CBLB: variants seen among roughly 807,000 people sequenced by gnomAD.
CBLB encodes E3 ubiquitin-protein ligase CBL-B.
A neutral mutation model predicts 104.9 loss-of-function variants in CBLB; 31 were observed. That is an observed-to-expected ratio of 0.30 (90% CI 0.22 to 0.40). CBLB has a LOEUF of 0.40. Among genes scored for constraint, CBLB ranks in the 10% least tolerant of loss-of-function variants. CBLB has a pLI of 1.00. For synonymous variants in CBLB, 440 were observed against 422.6 expected, an observed-to-expected ratio of 1.04 and a Z score of -0.51; for missense variants, 1,062 against 1,214.6, an observed-to-expected ratio of 0.87 and a Z score of 1.87.
rs138602116 is a variant in CBLB, at chr3:105,726,331, G to A, written c.1204-6081C>T. Among the ~76,000 whole-genome samples the A allele has an allele frequency of 4.0e-3, 602 of 152,004 alleles. 2 individuals are homozygous for A. Among genetic ancestry groups the A allele is most frequent in the African/African-American group, 0.014 (572 of 41,434 alleles). Reference sequence around the variant, plus strand: ...TTTTGTAAATTACTATTTTGAATACGCTGATATCTTTCTTTTAAATTATAT... The same window carrying A: ...TTTTGTAAATTACTATTTTGAATACACTGATATCTTTCTTTTAAATTATAT... On this transcript the variant is annotated intron_variant, in intron 9 of 18. Transcript: ENST00000394030.
At chr3:105,690,592 G>A (rs1170017711) in intron 13 of CBLB, among the ~76,000 whole-genome samples, 1 of 152,094 alleles carries the variant, frequency 6.6e-6, no homozygotes, top group Non-Finnish European at 1.5e-5. Flanking sequence ...GGGAGTGTGA[G>A]GCGGGTGGAT....
intron 3 of CBLB, among the ~76,000 whole-genome samples, chr3:105,818,717 ATAAAT>A (rs1445134762): frequency 2.0e-5 from 3 of 152,180 alleles, no homozygotes; most frequent in Non-Finnish European, 2.9e-5. Flanking sequence ...TCTTTAAACA[ATAAAT>A]TAAATACGAA....
At chr3:105,768,659 T>C (rs1181720163) in intron 4 of CBLB, among the ~76,000 whole-genome samples, 1 of 152,224 alleles carries the variant, frequency 6.6e-6, no homozygotes, top group Non-Finnish European at 1.5e-5. Flanking sequence ...AACTTTTGCA[T>C]AGAAAGTCAT....
chr3:105,761,189 T>C (rs979729249), intron 4 of CBLB, among the ~76,000 whole-genome samples: 3 of 152,150 alleles, frequency 2.0e-5, no homozygotes, highest in Non-Finnish European at 4.4e-5. Context: ...TGCGCCACCA[T>C]GCCTAGCTAA....
In CBLB at chr3:105,760,730, G is replaced by A. The variant is rs902622160; in HGVS notation, c.567-9112C>T. Among the ~76,000 whole-genome samples the A allele has an allele frequency of 7.3e-5, 11 of 151,562 alleles. 1 individual carries two copies. Among genetic ancestry groups the A allele is most frequent in the African/African-American group, 2.7e-4 (11 of 41,132 alleles). The stretch of plus-strand genomic sequence containing the variant: ...TCCTAGATGTATAAGATAAACTGAG[G>A]CAAAAAATAAAGAGCTTCTGATAAC... On this transcript the variant is annotated intron_variant, in intron 4 of 18. Transcript: ENST00000394030.
intron 17 of CBLB, chr3:105,671,530 C>T (rs2152699809): frequency 4.7e-6 from 1 of 213,124 alleles, no homozygotes; most frequent in East Asian, 7.0e-5. Context: ...ACCTGAATTG[C>T]TAATGTAAAG....
intron 13 of CBLB, among the ~76,000 whole-genome samples, chr3:105,690,922 T>A (rs2067612447): frequency 1.3e-5 from 2 of 152,134 alleles, no homozygotes. Context: ...ATGCTGGTTT[T>A]GTAATAAACA....
intron 4 of CBLB, among the ~76,000 whole-genome samples, chr3:105,760,072 T>A (rs1183700566): frequency 1.3e-5 from 2 of 152,226 alleles, no homozygotes; most frequent in Non-Finnish European, 2.9e-5. Flanking sequence ...GGAAATAGTG[T>A]CTTTAGTATT....
At chr3:105,747,746 G>C (rs1315596681) in intron 5 of CBLB, among the ~76,000 whole-genome samples, 3 of 152,030 alleles carry the variant, frequency 2.0e-5, no homozygotes, top group Non-Finnish European at 4.4e-5. Flanking sequence ...GAAGGACAAG[G>C]ATGAAAGAAA....
chr3:105,770,520 G>GGAAAGGACACAGGGT (rs1345891241), intron 4 of CBLB, among the ~76,000 whole-genome samples: 20 of 152,146 alleles, frequency 1.3e-4, no homozygotes, highest in African/African-American at 4.8e-4. Context: ...ATGAGCTCAG[G>GGAAAGGACACAGGGT]GAAAGGACAC....
chr3:105,816,771 C>T (rs1463915554), intron 3 of CBLB, among the ~76,000 whole-genome samples: 1 of 152,122 alleles, frequency 6.6e-6, no homozygotes, highest in African/African-American at 2.4e-5. Flanking sequence ...ATCAACTTTA[C>T]TGAGCACCAA....
chr3:105,818,857 A>T (rs1362688844), intron 3 of CBLB, among the ~76,000 whole-genome samples: 1 of 151,896 alleles, frequency 6.6e-6, no homozygotes, highest in Non-Finnish European at 1.5e-5. Context: ...TGAATATAGG[A>T]TATAGAAAAA....
At chr3:105,694,620 T>C (rs919054512) in intron 12 of CBLB, among the ~76,000 whole-genome samples, 2 of 151,858 alleles carry the variant, frequency 1.3e-5, no homozygotes, top group African/African-American at 4.8e-5. Context: ...TAAAAGACCA[T>C]ACCCTTACCT....
intron 3 of CBLB, among the ~76,000 whole-genome samples, chr3:105,820,611 AGAGT>A (rs1193021621): frequency 3.3e-5 from 5 of 152,206 alleles, no homozygotes; most frequent in African/African-American, 1.2e-4. Flanking sequence ...CAGCTTAGAA[AGAGT>A]ATCATTTGTT....
At chr3:105,764,938 C>A (rs866288137) in intron 4 of CBLB, among the ~76,000 whole-genome samples, 10 of 152,214 alleles carry the variant, frequency 6.6e-5, no homozygotes, top group Non-Finnish European at 1.2e-4. Context: ...AAGGCCCCAA[C>A]TCGCTTCAAT....
chr3:105,711,407 C>T (rs7615317), intron 10 of CBLB, among the ~76,000 whole-genome samples: 29,522 of 151,828 alleles, frequency 0.19, 3,091 homozygotes, highest in Admixed American at 0.25. Flanking sequence ...AGTTTTTTCA[C>T]TTTATTTTGT....
At chr3:105,853,904 A>G (rs2091270959) in intron 2 of CBLB, among the ~76,000 whole-genome samples, 1 of 152,162 alleles carries the variant, frequency 6.6e-6, no homozygotes, top group Non-Finnish European at 1.5e-5. Flanking sequence ...CTAAAGTTTA[A>G]TTCTAAGATA....
intron 10 of CBLB, among the ~76,000 whole-genome samples, chr3:105,719,651 T>C (rs2072472330): frequency 6.6e-6 from 1 of 152,186 alleles, no homozygotes. Context: ...GTACATAATA[T>C]GTGATAATGA....
chr3:105,751,483 A>G lies in CBLB; in HGVS notation c.702T>C (p.Asp234=). 6.2e-7 allele frequency: 1 copy of G among 1,611,052 alleles called. No homozygotes were observed. Among genetic ancestry groups the G allele is most frequent in the African/African-American group, 1.3e-5 (1 of 74,968 alleles). Residue 234 remains aspartate, a synonymous_variant, in exon 5 of 19, where the codon GAT becomes GAC. Coordinates refer to ENST00000394030, the MANE Select transcript of CBLB (RefSeq NM_170662.5). ...TTACCTGAAACAGCCTGGTAAAAAT[A>G]TCAAATTCAAAAACTGAAATGTAAT... The part of the protein sequence containing the change: ...CNDYISVFEF[D]IFTRLFQPWG...
Sources: allele counts gnomAD v4.1 joint callset (sites outside exome capture counted in the v4.1 genomes callset), GRCh38; gene constraint gnomAD v4.1.1; transcripts MANE v1.5; gene names NCBI Gene and HGNC (gene_info 2026-07-23, HGNC 2026-07-21).